The following SLC9C1 variants were observed in gnomAD, a reference collection of about 807,000 sequenced individuals.
The protein encoded by SLC9C1 is solute carrier family 9 member C1, also known as sodium/hydrogen exchanger 10.
Under a neutral mutation model 140.9 loss-of-function variants are expected in SLC9C1, and 97 were observed. The observed-to-expected ratio is 0.69, with a 90% CI of 0.58 to 0.82. The LOEUF (loss-of-function observed/expected upper bound fraction) is 0.82. Ranked by LOEUF, SLC9C1 falls within the 40% of genes least tolerant of loss-of-function variation. The pLI, the probability that SLC9C1 is intolerant of heterozygous loss-of-function variation, is 0.00. For missense variants in SLC9C1, 1,340 were observed against 1,389.3 expected (o/e 0.96, Z 0.56); for synonymous variants, 440 against 442.6 (o/e 0.99, Z 0.07).
Position 112,155,007 on chromosome 3 carries a change from T to C in SLC9C1, c.3407A>G (p.Asn1136Ser). The C allele has an allele frequency of 6.2e-7, 1 of 1,611,392 alleles. No homozygotes were observed. The highest frequency in any genetic ancestry group is 8.5e-7 in the Non-Finnish European group (1 of 1,179,332). The change falls in exon 27 of 29, where the codon AAT becomes AGT. Residue 1136 changes from asparagine to serine, a missense_variant. Coordinates refer to ENST00000305815, the MANE Select transcript of SLC9C1 (RefSeq NM_183061.3). Reference sequence around the variant, plus strand: ...CTGCTTTAAATTTACCTCCTTAACATTTCTTTCTTCTTGAATGCCTTCTTC... The same window carrying C: ...CTGCTTTAAATTTACCTCCTTAACACTTCTTTCTTCTTGAATGCCTTCTTC... ...TLEEGIQEERNVKEDGAHSAA... is the reference protein window; with the variant it reads ...TLEEGIQEERSVKEDGAHSAA...
chr3:112,287,351 A>G (rs189415543), intron 1 of SLC9C1, among the ~76,000 whole-genome samples: 2 of 152,366 alleles, frequency 1.3e-5, no homozygotes, highest in Admixed American at 6.5e-5. Context: ...TGTTTTATCC[A>G]GACAGAAATT....
chr3:112,293,277 AATAT>A (rs60247423), intron 1 of SLC9C1, among the ~76,000 whole-genome samples: 21 of 148,954 alleles, frequency 1.4e-4, no homozygotes, highest in Non-Finnish European at 1.3e-4. Flanking sequence ...CTCTATTTCA[AATAT>A]ATATATATAT....
Position 112,208,274 on chromosome 3 carries a change from G to T in SLC9C1, c.1890C>A (p.Ile630=), listed in dbSNP as rs1413170338. The T allele has an allele frequency of 3.1e-6, 5 of 1,610,374 alleles. No individual in the cohort carries two copies. Among genetic ancestry groups the T allele is most frequent in the Non-Finnish European group, 4.2e-6 (5 of 1,177,618 alleles). The part of the protein sequence containing the change: ...VILMNIFPFI[I]SWISQLNVIY... ...TTACATTTAACTGGGATATCCAAGAGATTATAAAGGGAAATATATTCATTA... is the reference window on the plus strand; with the variant it reads ...TTACATTTAACTGGGATATCCAAGATATTATAAAGGGAAATATATTCATTA... Residue 630 remains isoleucine, a synonymous_variant, in exon 16 of 29, where the codon ATC becomes ATA. Transcript: ENST00000305815.
intron 13 of SLC9C1, among the ~76,000 whole-genome samples, chr3:112,221,687 C>T (rs1190788018): frequency 1.3e-5 from 2 of 151,876 alleles, no homozygotes; most frequent in Admixed American, 1.3e-4. Context: ...ATCTTTGTAA[C>T]TTATATAATT....
At position 112,234,916 on chromosome 3, in the gene SLC9C1, C is replaced by T. The variant is rs542363967; in HGVS notation, c.1447-3430G>A. Among the ~76,000 whole-genome samples, 6 of 152,060 alleles carry T rather than the reference C, an allele frequency of 3.9e-5. No homozygotes were observed. In the South Asian group the frequency reaches 8.3e-4, roughly 21 times the overall value. The stretch of plus-strand genomic sequence containing the variant: ...AGGTTGAAGTCAGGTAGCATGATGC[C>T]TCCAGCTTTGTTCTTTTGGCTTATG... On this transcript the variant is annotated intron_variant, in intron 12 of 28. Coordinates refer to ENST00000305815, the MANE Select transcript of SLC9C1 (RefSeq NM_183061.3).
At chr3:112,145,821 G>T (rs1179445581) in intron 28 of SLC9C1, among the ~76,000 whole-genome samples, 1 of 151,834 alleles carries the variant, frequency 6.6e-6, no homozygotes, top group Admixed American at 6.6e-5. Flanking sequence ...GAATCGTGGG[G>T]GCAAGTCTTT....
Position 112,263,048 on chromosome 3 carries a change from T to G in SLC9C1, c.1073A>C (p.Glu358Ala). 1 of 1,598,836 alleles carries G rather than the reference T, an allele frequency of 6.3e-7. No homozygotes were observed. The change falls in exon 10 of 29, where the codon GAG becomes GCG. Residue 358 changes from glutamate to alanine, a missense_variant. Glu to Ala is a moderately radical substitution (Grantham distance 107). Transcript: ENST00000305815. ...ISPVLSRVGH[E>A]FSWRWIFIMV... ...TATGAATATCCAGCGCCAACTGAACTCATGACCAACTCGAGACAAAACAGG... is the reference window on the plus strand; with the variant it reads ...TATGAATATCCAGCGCCAACTGAACGCATGACCAACTCGAGACAAAACAGG...
At chr3:112,284,813 A>G (rs1436360743) in intron 2 of SLC9C1, among the ~76,000 whole-genome samples, 1 of 152,144 alleles carries the variant, frequency 6.6e-6, no homozygotes, top group African/African-American at 2.4e-5. Flanking sequence ...AGTAAGTTAT[A>G]TGGTAAGACA....
At position 112,210,125 on chromosome 3, in the gene SLC9C1, A is replaced by T. The variant is rs181288222; in HGVS notation, c.1791-1752T>A. Reference sequence around the variant, plus strand: ...ATTTGGTGGTTACTCAAGAAACTAAATATAGAATTACCACACAGTCCTGCA... The same window carrying T: ...ATTTGGTGGTTACTCAAGAAACTAATTATAGAATTACCACACAGTCCTGCA... On this transcript the variant is annotated intron_variant, in intron 15 of 28. Coordinates refer to ENST00000305815, the MANE Select transcript of SLC9C1 (RefSeq NM_183061.3). 1.0e-3 allele frequency among the ~76,000 whole-genome samples: 153 copies of T among 152,358 alleles called. 3 individuals are homozygous for T. The East Asian group carries it at 0.013, about 13-fold the overall frequency.
chr3:112,185,566 T>A, intron 20 of SLC9C1: 6 of 1,611,976 alleles, frequency 3.7e-6, no homozygotes, highest in Middle Eastern at 1.7e-4. Context: ...ACACACACTG[T>A]GGGCACCTGT....
At chr3:112,252,291 C>T (rs538578322) in intron 10 of SLC9C1, among the ~76,000 whole-genome samples, 4 of 152,026 alleles carry the variant, frequency 2.6e-5, no homozygotes, top group Admixed American at 1.3e-4. Flanking sequence ...GGTCCGAGGT[C>T]CTAGTTCTCT....
chr3:112,170,797 G>A (rs924525356), intron 23 of SLC9C1, among the ~76,000 whole-genome samples: 1 of 152,108 alleles, frequency 6.6e-6, no homozygotes, highest in Non-Finnish European at 1.5e-5. Context: ...TTTGTGTGTA[G>A]TATAGGACAT....
intron 16 of SLC9C1, among the ~76,000 whole-genome samples, chr3:112,206,917 C>A (rs1433688814): frequency 1.3e-5 from 2 of 152,020 alleles, no homozygotes; most frequent in African/African-American, 2.4e-5. Context: ...ATGGGTGCAG[C>A]AAACCAACAT....
chr3:112,233,940 T>A (rs1268431660), intron 12 of SLC9C1, among the ~76,000 whole-genome samples: 7 of 152,218 alleles, frequency 4.6e-5, no homozygotes, highest in African/African-American at 1.7e-4. Flanking sequence ...ACAGTAAACA[T>A]ACGTGTGCAT....
At chr3:112,168,785 A>T in intron 25 of SLC9C1, 92 bp downstream of exon 25, 1 of 1,207,520 alleles carries the variant, frequency 8.3e-7, no homozygotes, top group East Asian at 2.4e-5. Context: ...GAAGATGAAA[A>T]GCTTAAGATT....
chr3:112,285,148 G>A (rs1237923092), intron 2 of SLC9C1, among the ~76,000 whole-genome samples: 1 of 151,558 alleles, frequency 6.6e-6, no homozygotes, highest in Admixed American at 6.6e-5. Flanking sequence ...CACCATGCCT[G>A]GCTAATTTTT....
intron 12 of SLC9C1, among the ~76,000 whole-genome samples, chr3:112,236,366 CTTT>C (rs939419008): frequency 5.9e-5 from 9 of 152,116 alleles, no homozygotes; most frequent in Admixed American, 5.2e-4. Flanking sequence ...CTCTTTTCTT[CTTT>C]ATTAGTCTTG....
At chr3:112,245,731 T>C (rs2079265035) in intron 10 of SLC9C1, among the ~76,000 whole-genome samples, 1 of 152,288 alleles carries the variant, frequency 6.6e-6, no homozygotes, top group Admixed American at 6.5e-5. Flanking sequence ...GTTTAGATTT[T>C]GGGTATCTAT....
At position 112,182,173 on chromosome 3, in the gene SLC9C1, G is replaced by A. The variant is rs745509083; in HGVS notation, c.2609C>T (p.Pro870Leu). 7.6e-6 allele frequency: 12 copies of A among 1,587,640 alleles called. No individual in the cohort carries two copies. Among genetic ancestry groups the A allele is most frequent in the African/African-American group, 1.3e-5 (1 of 74,184 alleles). ...ATAATCTTTGTTTTTATCTAGCCACGGAATATGATATAGAACTTCTTCAAC... is the reference window on the plus strand; with the variant it reads ...ATAATCTTTGTTTTTATCTAGCCACAGAATATGATATAGAACTTCTTCAAC... ...LTVEEVLYHI[P>L]WLDKNKDYIN... The change falls in exon 21 of 29, where the codon CCG becomes CTG. Residue 870 changes from proline to leucine, a missense_variant. Physicochemically the swap from Pro to Leu is moderately conservative, Grantham distance 98. Transcript: ENST00000305815.
Sources: gnomAD v4.1 joint callset for allele counts (sites outside exome capture counted in the v4.1 genomes callset) on GRCh38, gnomAD v4.1.1 for gene constraint, MANE v1.5 for transcripts, NCBI Gene and HGNC (gene_info 2026-07-23, HGNC 2026-07-21) for gene names.